FAF1: variants seen among roughly 807,000 people sequenced by gnomAD.
FAF1 encodes the protein FAS-associated factor 1.
In FAF1, 25 loss-of-function variants were observed where a neutral mutation model predicts 92.5. The observed-to-expected ratio is 0.27, with a 90% confidence interval of 0.20 to 0.38. The LOEUF (loss-of-function observed/expected upper bound fraction) is 0.38, where lower values mean the gene tolerates loss of function less well. Among genes scored for constraint, FAF1 ranks in the 10% least tolerant of loss-of-function variants. The probability of loss-of-function intolerance (pLI) is 1.00; values close to 1 mark genes in which losing one functional copy is unlikely to be tolerated. For synonymous variants in FAF1, 234 were observed against 273.2 expected (o/e 0.86, Z 1.42); for missense variants, 636 against 793.3 (o/e 0.80, Z 2.38).
At chr1:50,716,003 C>A (rs566917844) in intron 6 of FAF1, among the ~76,000 whole-genome samples, 2 of 152,252 alleles carry the variant, frequency 1.3e-5, no homozygotes, top group African/African-American at 2.4e-5. Flanking sequence ...ATTGTCTTGA[C>A]TGAGTTTATG....
chr1:50,529,455 G>A (rs1440905660), intron 15 of FAF1, among the ~76,000 whole-genome samples: 1 of 152,152 alleles, frequency 6.6e-6, no homozygotes, highest in Non-Finnish European at 1.5e-5. Context: ...AATGGGATTT[G>A]GAAGAATATA....
chr1:50,760,734 T>A (rs904645108), intron 4 of FAF1, among the ~76,000 whole-genome samples: 26 of 152,022 alleles, frequency 1.7e-4, no homozygotes, highest in African/African-American at 3.6e-4. Flanking sequence ...AAGAGAAAGC[T>A]GGAAAGATCC....
chr1:50,799,097 C>G (rs557403816), intron 3 of FAF1, among the ~76,000 whole-genome samples: 2 of 152,312 alleles, frequency 1.3e-5, no homozygotes, highest in African/African-American at 4.8e-5. Flanking sequence ...TAGGCGTGAG[C>G]TACCACGCCC....
intron 4 of FAF1, among the ~76,000 whole-genome samples, chr1:50,768,672 T>A (rs921407402): frequency 8.6e-5 from 13 of 151,958 alleles, no homozygotes; most frequent in Non-Finnish European, 1.8e-4. Flanking sequence ...AAACAACCTA[T>A]CCTGAATGAC....
intron 4 of FAF1, among the ~76,000 whole-genome samples, chr1:50,772,527 G>T (rs1220314599): frequency 6.6e-6 from 1 of 152,150 alleles, no homozygotes; most frequent in Non-Finnish European, 1.5e-5. Flanking sequence ...CATAAAAAAA[G>T]AATGAGATCA....
At chr1:50,588,053 G>A (rs149562794) in intron 9 of FAF1, among the ~76,000 whole-genome samples, 1,924 of 152,218 alleles carry the variant, frequency 0.013, 34 homozygotes, top group African/African-American at 0.044. Flanking sequence ...TTCAGAGGCC[G>A]AGGCAGGCGG....
intron 8 of FAF1, among the ~76,000 whole-genome samples, chr1:50,627,709 T>C (rs1653571499): frequency 6.6e-6 from 1 of 152,192 alleles, no homozygotes; most frequent in African/African-American, 2.4e-5. Flanking sequence ...GGGGGGCTTC[T>C]GGGATACTTT....
intron 4 of FAF1, among the ~76,000 whole-genome samples, chr1:50,772,956 C>G (rs770321006): frequency 6.6e-6 from 1 of 152,026 alleles, no homozygotes; most frequent in Non-Finnish European, 1.5e-5. Context: ...TACTCAAGAA[C>G]AAGAAATGAT....
intron 18 of FAF1, among the ~76,000 whole-genome samples, chr1:50,446,644 T>C (rs930494817): frequency 5.9e-5 from 9 of 152,218 alleles, no homozygotes; most frequent in Non-Finnish European, 1.3e-4. Flanking sequence ...GTTTGTAACA[T>C]ATTTACACAA....
chr1:50,774,612 AT>A (rs34604735), intron 4 of FAF1, among the ~76,000 whole-genome samples: 1 of 152,146 alleles, frequency 6.6e-6, no homozygotes, highest in African/African-American at 2.4e-5. Context: ...TAACAGACCT[AT>A]TTTTCTGCTA....
At chr1:50,888,711 A>C (rs1644691631) in intron 1 of FAF1, among the ~76,000 whole-genome samples, 2 of 152,194 alleles carry the variant, frequency 1.3e-5, no homozygotes, top group Non-Finnish European at 2.9e-5. Context: ...CCAGGGATGA[A>C]GCCCACCTGA....
At chr1:50,746,544 C>T (rs570294848) in intron 4 of FAF1, among the ~76,000 whole-genome samples, 1 of 151,306 alleles carries the variant, frequency 6.6e-6, no homozygotes, top group East Asian at 1.9e-4. Context: ...TCAGGTGATC[C>T]GTCTGCCTCA....
chr1:50,908,741 G>A (rs759263284), intron 1 of FAF1, among the ~76,000 whole-genome samples: 19 of 151,402 alleles, frequency 1.3e-4, no homozygotes, highest in Non-Finnish European at 2.1e-4. Flanking sequence ...ATATCCCTCC[G>A]TCCCTTTATT....
chr1:50,734,143 ACTT>A, intron 6 of FAF1, among the ~76,000 whole-genome samples: 1 of 152,016 alleles, frequency 6.6e-6, no homozygotes, highest in Non-Finnish European at 1.5e-5. Flanking sequence ...CATTTTTCCT[ACTT>A]GCTGTCTCTT....
chr1:50,841,899 T>C (rs903525668), intron 2 of FAF1, among the ~76,000 whole-genome samples: 7 of 152,102 alleles, frequency 4.6e-5, no homozygotes, highest in Non-Finnish European at 1.0e-4. Context: ...TCCATAAACC[T>C]TCATACCAGT....
chr1:50,584,294 G>A (rs1341453865), intron 10 of FAF1, among the ~76,000 whole-genome samples: 2 of 151,980 alleles, frequency 1.3e-5, no homozygotes, highest in Non-Finnish European at 2.9e-5. Flanking sequence ...CCAAAGATGG[G>A]TACCGTTGAA....
At chr1:50,862,400 C>T (rs1026863249) in intron 1 of FAF1, among the ~76,000 whole-genome samples, 2 of 151,654 alleles carry the variant, frequency 1.3e-5, no homozygotes, top group Non-Finnish European at 2.9e-5. Context: ...GGATAGAGAG[C>T]AAAATGATGG....
chr1:50,823,595 A>G (rs976214484), intron 2 of FAF1, among the ~76,000 whole-genome samples: 2 of 152,166 alleles, frequency 1.3e-5, no homozygotes, highest in Non-Finnish European at 2.9e-5. Flanking sequence ...TCTTTTCCCA[A>G]AAATGTTCCA....
intron 8 of FAF1, among the ~76,000 whole-genome samples, chr1:50,641,303 G>A (rs6658904): frequency 6.6e-6 from 1 of 151,742 alleles, no homozygotes; most frequent in South Asian, 2.1e-4. Context: ...ACATTGGACC[G>A]CCTTTTAAAT....
Sources: allele counts gnomAD v4.1 joint callset (sites outside exome capture counted in the v4.1 genomes callset), GRCh38; gene constraint gnomAD v4.1.1; transcripts MANE v1.5; gene names NCBI Gene and HGNC (gene_info 2026-07-23, HGNC 2026-07-21).